UTP4: variants seen among roughly 807,000 people sequenced by gnomAD.
The protein encoded by UTP4 is UTP4 small subunit processome component, also known as U3 small nucleolar RNA-associated protein 4 homolog.
A neutral mutation model predicts 82.4 loss-of-function variants in UTP4; 45 were observed. The observed-to-expected ratio is 0.55, with a 90% CI of 0.43 to 0.70. The LOEUF is 0.70. Among genes scored for constraint, UTP4 ranks in the 30% least tolerant of loss-of-function variants. UTP4 has a pLI of 0.00. For missense variants in UTP4, 819 were observed against 858.3 expected (o/e 0.95, Z 0.57); for synonymous variants, 348 against 300.3 (o/e 1.16, Z -1.64).
intron 6 of UTP4, among the ~76,000 whole-genome samples, chr16:69,148,212 C>T (rs578161616): frequency 1.2e-4 from 19 of 152,240 alleles, no homozygotes; most frequent in Middle Eastern, 3.4e-3. Flanking sequence ...CTGCCCGCCT[C>T]GGCCTCCCAA....
At chr16:69,138,944 A>G (rs1962885326) in intron 4 of UTP4, 1 of 138,884 alleles carries the variant, frequency 7.2e-6, no homozygotes, top group Admixed American at 7.1e-5. Context: ...CGTTTTTAAT[A>G]TATCTTGGGT....
chr16:69,154,962 C>A (rs1009051574), intron 10 of UTP4, among the ~76,000 whole-genome samples: 1 of 152,040 alleles, frequency 6.6e-6, no homozygotes, highest in East Asian at 1.9e-4. Flanking sequence ...TCAGGTGATC[C>A]GCCCGCCTTG....
chr16:69,159,681 C>T (rs1179986640), intron 12 of UTP4, among the ~76,000 whole-genome samples: 5 of 150,780 alleles, frequency 3.3e-5, no homozygotes, highest in East Asian at 2.0e-4. Flanking sequence ...AGTGAGACTC[C>T]GTCTAAAAAA....
chr16:69,158,536 C>T (rs1403838412), intron 12 of UTP4, among the ~76,000 whole-genome samples: 1 of 152,082 alleles, frequency 6.6e-6, no homozygotes, highest in Non-Finnish European at 1.5e-5. Context: ...AAGAAACCCA[C>T]AAGTTAGGGG....
chr16:69,144,016 T>G (rs1042970757), intron 6 of UTP4, among the ~76,000 whole-genome samples: 13 of 151,484 alleles, frequency 8.6e-5, no homozygotes, highest in African/African-American at 3.2e-4. Flanking sequence ...GCCTCCCCAG[T>G]AGCTCGGATT....
intron 16 of UTP4, chr16:69,167,992 A>G (rs1963742040): frequency 6.6e-6 from 1 of 151,670 alleles, no homozygotes; most frequent in African/African-American, 2.4e-5. Flanking sequence ...CAGGCTGGGT[A>G]ACATCGAGAT....
chr16:69,135,046 A>G (rs1227731276), intron 2 of UTP4, among the ~76,000 whole-genome samples: 1 of 147,684 alleles, frequency 6.8e-6, no homozygotes. Flanking sequence ...AGTCATGGCC[A>G]TATTATGATT....
chr16:69,150,960 C>A, intron 8 of UTP4, 56 bp downstream of exon 8: 3 of 1,340,718 alleles, frequency 2.2e-6, no homozygotes, highest in Non-Finnish European at 3.2e-6. Context: ...CCTGTGTCCC[C>A]CTGTCCCACA....
chr16:69,160,131 T>TC (rs1190469857), intron 12 of UTP4, among the ~76,000 whole-genome samples: 1 of 152,254 alleles, frequency 6.6e-6, no homozygotes, highest in Non-Finnish European at 1.5e-5. Context: ...AGTAATAACT[T>TC]CTGTTTTATC....
At position 69,143,296 on chromosome 16, in the gene UTP4, T is replaced by C. The variant is rs763299361; in HGVS notation, c.645T>C (p.Ala215=). The C allele has an allele frequency of 6.2e-7, 1 of 1,614,206 alleles. No individual in the cohort carries two copies. The highest frequency in any genetic ancestry group is 1.3e-5 in the African/African-American group (1 of 75,050). Residue 215 remains alanine (A), a synonymous_variant, in exon 6 of 17, where the codon GCT becomes GCC. Transcript: ENST00000314423. Reference sequence around the variant, plus strand: ...GCACTATCATAAGTGTGGACTCTGCTGGGAAGGTGCAGTTCTGGGACTCAG... The same window carrying C: ...GCACTATCATAAGTGTGGACTCTGCCGGGAAGGTGCAGTTCTGGGACTCAG... The part of the protein sequence containing the change: ...SDGTIISVDS[A]GKVQFWDSAT...
At chr16:69,146,284 C>G (rs187193323) in intron 6 of UTP4, among the ~76,000 whole-genome samples, 1 of 152,302 alleles carries the variant, frequency 6.6e-6, no homozygotes, top group Non-Finnish European at 1.5e-5. Context: ...TCACCACAAA[C>G]AGAAACCTGT....
intron 14 of UTP4, 23 bp from the exon 15 acceptor site, chr16:69,165,318 C>T: frequency 6.2e-7 from 1 of 1,611,338 alleles, no homozygotes. Flanking sequence ...GCCTGCATTT[C>T]TCTATGTCAT....
rs139624123 is a variant in UTP4 at position 69,167,142 on chromosome 16, G to A, written c.1901G>A (p.Arg634Gln). Residue 634 changes from arginine to glutamine, a missense_variant, in exon 16 of 17, where the codon CGG becomes CAG. Transcript: ENST00000314423. ...FPPTNESDVI[R>Q]RRTAHAFKIS... ...CCCACGAATGAATCAGATGTCATCCGGAGGCGCACAGCTCATGCTTTTAAA... is the reference window on the plus strand; with the variant it reads ...CCCACGAATGAATCAGATGTCATCCAGAGGCGCACAGCTCATGCTTTTAAA... 112 of 1,613,690 alleles carry A rather than the reference G, an allele frequency of 6.9e-5. No homozygotes were observed. In the African/African-American group the frequency reaches 1.2e-3, roughly 17 times the overall value.
intron 6 of UTP4, among the ~76,000 whole-genome samples, chr16:69,145,908 A>G (rs1187641827): frequency 1.3e-5 from 2 of 152,082 alleles, no homozygotes; most frequent in East Asian, 1.9e-4. Flanking sequence ...TTACTAAATG[A>G]TGATTAGGCA....
At chr16:69,141,036 T>A (rs1962946734) in intron 5 of UTP4, among the ~76,000 whole-genome samples, 1 of 152,234 alleles carries the variant, frequency 6.6e-6, no homozygotes, top group African/African-American at 2.4e-5. Flanking sequence ...ACTTATTGTT[T>A]AATAGTGTCT....
intron 14 of UTP4, among the ~76,000 whole-genome samples, chr16:69,164,642 A>T (rs1281661708): frequency 6.7e-6 from 1 of 148,818 alleles, no homozygotes; most frequent in East Asian, 2.0e-4. Flanking sequence ...ATATAGATAT[A>T]TATGCTTCTA....
intron 6 of UTP4, among the ~76,000 whole-genome samples, chr16:69,148,107 C>T (rs1188481268): frequency 1.3e-5 from 2 of 152,104 alleles, no homozygotes; most frequent in Non-Finnish European, 2.9e-5. Flanking sequence ...AGGCGCCCGC[C>T]ACCACACCCG....
intron 2 of UTP4, among the ~76,000 whole-genome samples, chr16:69,136,341 C>G (rs1044376361): frequency 1.3e-5 from 2 of 152,172 alleles, no homozygotes; most frequent in African/African-American, 2.4e-5. Flanking sequence ...AATCCTCCCC[C>G]GTCAGCCTCC....
chr16:69,153,516 C>T, intron 8 of UTP4, 68 bp from the exon 9 acceptor site: 1 of 1,071,912 alleles, frequency 9.3e-7, no homozygotes, highest in Admixed American at 1.9e-5. Context: ...GGTGGTGCTA[C>T]TGTATCTGGT....
Sources: allele counts gnomAD v4.1 joint callset (sites outside exome capture counted in the v4.1 genomes callset), GRCh38; gene constraint gnomAD v4.1.1; transcripts MANE v1.5; gene names NCBI Gene and HGNC (gene_info 2026-07-23, HGNC 2026-07-21).